The following DNAH2 variants were observed in gnomAD, a reference collection of about 807,000 sequenced individuals.
DNAH2 encodes the protein dynein axonemal heavy chain 2.
DNAH2 carries 323 observed loss-of-function variants against 523.5 expected under a neutral mutation model. The ratio of observed to expected loss-of-function variants is 0.62; its 90% CI spans 0.56 to 0.68. DNAH2 has a LOEUF of 0.68. Ranked by LOEUF, DNAH2 falls within the 30% of genes least tolerant of loss-of-function variation. The probability of loss-of-function intolerance (pLI) is 0.00; values close to 1 mark genes in which losing one functional copy is unlikely to be tolerated. For synonymous variants in DNAH2, 2,093 were observed against 2,177.4 expected (o/e 0.96, Z 1.08); for missense variants, 4,907 against 5,701.5 (o/e 0.86, Z 4.49).
chr17:7,727,636 A>G (rs373444978), intron 4 of DNAH2, among the ~76,000 whole-genome samples: 3 of 151,810 alleles, frequency 2.0e-5, no homozygotes, highest in South Asian at 2.1e-4. Flanking sequence ...CACACCTGTA[A>G]TCCCAGCTAC....
At chr17:7,722,203 C>T (rs2074636021) in intron 2 of DNAH2, among the ~76,000 whole-genome samples, 2 of 151,282 alleles carry the variant, frequency 1.3e-5, no homozygotes, top group South Asian at 2.1e-4. Flanking sequence ...GGGGGGTTCA[C>T]CATCTTGGCC....
chr17:7,780,345 C>T lies in DNAH2; in HGVS notation c.5850+61C>T. On this transcript the variant is annotated intron_variant, in intron 37 of 85. Transcript: ENST00000572933. The surrounding 1 kb of genome is among the most constrained non-coding windows in gnomAD (Gnocchi z 4.4). ...TTTCCTTTCATAATTATTCCCTGGA[C>T]AGAGGAGCTCCCCAAGGGCCTCACA... 1.2e-6 allele frequency: 2 copies of T among 1,607,818 alleles called. No homozygotes were observed. The highest frequency in any genetic ancestry group is 1.7e-6 in the Non-Finnish European group (2 of 1,176,602).
intron 12 of DNAH2, among the ~76,000 whole-genome samples, chr17:7,745,334 A>G (rs951941055): frequency 6.6e-6 from 1 of 152,124 alleles, no homozygotes; most frequent in Non-Finnish European, 1.5e-5. Flanking sequence ...ACAAAAGTTG[A>G]GACAAGAGGT....
rs1285138145 is a variant in DNAH2, at chr17:7,798,668, C to G, written c.8509C>G (p.Leu2837Val). Reference sequence around the variant, plus strand: ...CTTCCTAGAGGACATCAACAACATCCTCAGCTCAGGCGAGGTGCCCAATCT... The same window carrying G: ...CTTCCTAGAGGACATCAACAACATCGTCAGCTCAGGCGAGGTGCCCAATCT... ...ESFLEDINNI[L>V]SSGEVPNLYK... is the part of the protein sequence containing the mutation. Residue 2837 changes from leucine (L) to valine (V), a missense_variant, in exon 55 of 86, where the codon CTC becomes GTC. Coordinates refer to ENST00000572933, the MANE Select transcript of DNAH2 (RefSeq NM_020877.5). The surrounding 1 kb of genome is among the most constrained non-coding windows in gnomAD (Gnocchi z 5.5). 6.2e-7 allele frequency: 1 copy of G among 1,614,004 alleles called. No individual in the cohort carries two copies. Among genetic ancestry groups the G allele is most frequent in the African/African-American group, 1.3e-5 (1 of 74,912 alleles).
intron 4 of DNAH2, among the ~76,000 whole-genome samples, chr17:7,728,041 G>T (rs2074878115): frequency 1.3e-5 from 2 of 152,226 alleles, no homozygotes; most frequent in South Asian, 4.1e-4. Context: ...TACTGAAAGG[G>T]GCTTGGGGTC....
intron 12 of DNAH2, among the ~76,000 whole-genome samples, chr17:7,753,834 G>A (rs1187233196): frequency 6.6e-6 from 1 of 152,098 alleles, no homozygotes; most frequent in Non-Finnish European, 1.5e-5. Context: ...TATAGTCCCA[G>A]CTACTCGGAA....
chr17:7,833,442 T>G lies in DNAH2; in HGVS notation c.13193T>G (p.Phe4398Cys). The part of the protein sequence containing the change: ...NRAGSSDRAS[F>C]VIGIDLRSGA... ...GCAGGCAGCTCAGACCGAGCCTCCT[T>G]TGTCATCGGCATTGACCTGCGGTCT... is the stretch of plus-strand genomic sequence containing the variant. Residue 4398 changes from phenylalanine (F) to cysteine (C), a missense_variant, in exon 86 of 86, where the codon TTT becomes TGT. By Grantham distance (205) the Phe-to-Cys change is radical. This residue lies in a region of DNAH2 where 1,851 missense variants were observed against 2,139.4 expected (regional missense o/e 0.87). Transcript: ENST00000572933. 6.2e-7 allele frequency: 1 copy of G among 1,614,160 alleles called. No individual in the cohort carries two copies. Among genetic ancestry groups the G allele is most frequent in the Admixed American group, 1.7e-5 (1 of 60,022 alleles).
intron 59 of DNAH2, 65 bp downstream of exon 59, chr17:7,804,531 C>T: frequency 6.5e-7 from 1 of 1,547,272 alleles, no homozygotes; most frequent in South Asian, 1.2e-5. Context: ...CGTCAGGGAA[C>T]CCATGTTCCC....
Position 7,824,051 on chromosome 17 carries a change from C to G in DNAH2, c.11478+69C>G. 6 of 1,580,156 alleles carry G rather than the reference C, an allele frequency of 3.8e-6. No individual in the cohort carries two copies. The South Asian group carries it at 6.9e-5, about 18-fold the overall frequency. On this transcript the variant is annotated intron_variant, in intron 75 of 85. Coordinates refer to ENST00000572933, the MANE Select transcript of DNAH2 (RefSeq NM_020877.5). ...CCTGCCTCCCTCGCTCTGTTTCAGT[C>G]TCCTTCATCTCTCTCTCCCACTTTG...
chr17:7,722,060 G>A (rs772248356), intron 2 of DNAH2, among the ~76,000 whole-genome samples: 36 of 152,160 alleles, frequency 2.4e-4, no homozygotes, highest in Middle Eastern at 3.4e-3. Flanking sequence ...GTGCAATGGC[G>A]TGATCTCGGC....
At chr17:7,785,290 A>G (rs1013279919) in intron 39 of DNAH2, among the ~76,000 whole-genome samples, 1 of 152,026 alleles carries the variant, frequency 6.6e-6, no homozygotes, top group African/African-American at 2.4e-5. Flanking sequence ...TTTAGTAGAG[A>G]CGGGGTTTCG....
intron 42 of DNAH2, 127 bp downstream of exon 42, chr17:7,787,160 A>G: frequency 8.2e-7 from 1 of 1,226,758 alleles, no homozygotes; most frequent in Non-Finnish European, 1.1e-6. Flanking sequence ...TGAAAGGTGG[A>G]TGCCTGGATT....
intron 58 of DNAH2, among the ~76,000 whole-genome samples, chr17:7,802,708 G>A (rs2077256553): frequency 6.6e-6 from 1 of 152,052 alleles, no homozygotes. Flanking sequence ...CTGTTGCCCA[G>A]GCTGGAGTGC....
chr17:7,803,856 G>A (rs1314433062), intron 58 of DNAH2, among the ~76,000 whole-genome samples: 1 of 152,192 alleles, frequency 6.6e-6, no homozygotes, highest in African/African-American at 2.4e-5. Flanking sequence ...TTGCAATACT[G>A]GGCCCACATT....
At position 7,788,252 on chromosome 17, in the gene DNAH2, G is replaced by A. The variant is rs1266799917; in HGVS notation, c.6900+8G>A. 1 of 1,569,580 alleles carries A rather than the reference G, an allele frequency of 6.4e-7. No individual in the cohort carries two copies. Among genetic ancestry groups the A allele is most frequent in the Non-Finnish European group, 8.6e-7 (1 of 1,156,272 alleles). ...GCCACGCCAGAGAATGGGGTAAGGG[G>A]AGGACACAGACCACGGGCAGGGGCA... On this transcript the variant is annotated splice_region_variant and intron_variant, in intron 44 of 85. Transcript: ENST00000572933.
At position 7,804,449 on chromosome 17, in the gene DNAH2, G is replaced by A. The variant is rs1460160442; in HGVS notation, c.9166G>A (p.Ala3056Thr). ...LVIIVQQKRE[A>T]DEQQKAVTAN... ...CATCATTGTGCAGCAGAAGCGGGAG[G>A]CAGATGAGCAGCAGAAGGTCCAGGG... Residue 3056 changes from alanine (A) to threonine (T), a missense_variant, in exon 59 of 86, where the codon GCA becomes ACA. By Grantham distance (58) the Ala-to-Thr change is moderately conservative. Transcript: ENST00000572933. 6.2e-7 allele frequency: 1 copy of A among 1,613,696 alleles called. No homozygotes were observed. The highest frequency in any genetic ancestry group is 1.3e-5 in the African/African-American group (1 of 75,040).
chr17:7,824,630 A>G lies in DNAH2; in HGVS notation c.11756A>G (p.His3919Arg). 2 of 1,609,194 alleles carry G rather than the reference A, an allele frequency of 1.2e-6. No individual in the cohort carries two copies. The highest frequency in any genetic ancestry group is 1.7e-6 in the Non-Finnish European group (2 of 1,176,786). Residue 3919 changes from histidine to arginine, a missense_variant, in exon 77 of 86, where the codon CAT (histidine) becomes CGT (arginine). Physicochemically the swap from His to Arg is conservative, Grantham distance 29. This residue lies in a region of DNAH2 where 1,851 missense variants were observed against 2,139.4 expected (regional missense o/e 0.87). Transcript: ENST00000572933. The stretch of plus-strand genomic sequence containing the variant: ...GAGCAGCTGCAGGTGGAGGATCCTC[A>G]TCCATCCTTCCGCCTCTGGCTCAGC... ...LVEQLQVEDP[H>R]PSFRLWLSSI...
chr17:7,773,377 G>C (rs567277740), intron 28 of DNAH2, among the ~76,000 whole-genome samples: 1 of 152,134 alleles, frequency 6.6e-6, no homozygotes, highest in Non-Finnish European at 1.5e-5. Context: ...GGATCCCCAA[G>C]TTCTTCCTCC....
At chr17:7,737,941 G>A in intron 8 of DNAH2, 1 of 702,260 alleles carries the variant, frequency 1.4e-6, no homozygotes. Flanking sequence ...GGGGACAGAG[G>A]CTGTGGGGAC....
Sources: gnomAD v4.1 joint callset for allele counts (sites outside exome capture counted in the v4.1 genomes callset) on GRCh38, gnomAD v4.1.1 for gene constraint, gnomAD v4.1.1 regional missense constraint, Gnocchi (gnomAD v3.1) non-coding constraint, MANE v1.5 for transcripts, NCBI Gene and HGNC (gene_info 2026-07-23, HGNC 2026-07-21) for gene names.